The following STUM variants were observed in gnomAD, a reference collection of about 807,000 sequenced individuals.
STUM encodes protein stum homolog.
Under a neutral mutation model 15.3 loss-of-function variants are expected in STUM, and 8 were observed. That is an observed-to-expected ratio of 0.52 (90% CI 0.31 to 0.94). The LOEUF is 0.94. Ranked by LOEUF, STUM falls within the 40% of genes least tolerant of loss-of-function variation. The probability of loss-of-function intolerance (pLI) is 0.05; values close to 1 mark genes in which losing one functional copy is unlikely to be tolerated. For missense variants in STUM, 142 were observed against 204.9 expected (o/e 0.69, Z 1.87); for synonymous variants, 78 against 88.7 (o/e 0.88, Z 0.68).
chr1:226,568,449 A>G (rs1162784640), intron 1 of STUM, among the ~76,000 whole-genome samples: 1 of 152,222 alleles, frequency 6.6e-6, no homozygotes, highest in Admixed American at 6.5e-5. Context: ...AGCTTCAGGA[A>G]TGTGGTTCAT....
intron 1 of STUM, among the ~76,000 whole-genome samples, chr1:226,595,366 T>A (rs144747198): frequency 6.6e-6 from 1 of 152,244 alleles, no homozygotes; most frequent in Non-Finnish European, 1.5e-5. Context: ...CTCGGTCCAC[T>A]GGCTCACACA....
chr1:226,558,245 A>T (rs1258843236), intron 1 of STUM, among the ~76,000 whole-genome samples: 1 of 152,226 alleles, frequency 6.6e-6, no homozygotes, highest in Admixed American at 6.5e-5. Context: ...GACTCCACCA[A>T]AAAACTGTTA....
Position 226,549,132 on chromosome 1 carries a change from G to A in STUM, c.202+26G>A, listed in dbSNP as rs1667325767. 1.3e-6 allele frequency: 2 copies of A among 1,558,972 alleles called. No homozygotes were observed. The highest frequency in any genetic ancestry group is 8.7e-7 in the Non-Finnish European group (1 of 1,153,290). ...GTAAGACACGGCTGCCGCGACCCTT[G>A]CGACCCCCACCCCGCCGCGGGAGGG... On this transcript the variant is annotated intron_variant, in intron 1 of 3. Transcript: ENST00000366788. This position sits in a 1 kb window ranked among gnomAD's most constrained non-coding sequence, Gnocchi z 6.8.
chr1:226,577,293 T>C (rs1667832823), intron 1 of STUM, among the ~76,000 whole-genome samples: 1 of 152,132 alleles, frequency 6.6e-6, no homozygotes, highest in African/African-American at 2.4e-5. Context: ...TTGTCCTCAT[T>C]GTGTCGGGTG....
At chr1:226,578,464 C>T (rs1310940349) in intron 1 of STUM, among the ~76,000 whole-genome samples, 1 of 148,378 alleles carries the variant, frequency 6.7e-6, no homozygotes, top group Non-Finnish European at 1.5e-5. Flanking sequence ...TGTCTGGGCT[C>T]AAGTGATCCT....
In STUM at chr1:226,604,586, A is replaced by T. The variant is rs1272615346; in HGVS notation, c.*2546A>T. ...TCAGCATGATCATCTTCAGTAGATA[A>T]GGGACAGTGGCTGATTTACTCCAAA... is the stretch of plus-strand genomic sequence containing the variant. On this transcript the variant is annotated 3_prime_UTR_variant, in exon 4 of 4. Coordinates refer to ENST00000366788, the MANE Select transcript of STUM (RefSeq NM_001003665.4). The surrounding 1 kb of genome is among the most constrained non-coding windows in gnomAD (Gnocchi z 4.7). The T allele has an allele frequency of 6.6e-6, 1 of 152,244 alleles. No homozygotes were observed. The highest frequency in any genetic ancestry group is 1.9e-4 in the East Asian group (1 of 5,192). The allele number at this position is 152,244 out of a possible 1,614,324, so 9.4% of individuals were successfully genotyped here. A position where few individuals can be genotyped will look rare whatever the true frequency, so the allele number is the denominator to read the frequency against.
At chr1:226,563,187 C>A (rs935512373) in intron 1 of STUM, among the ~76,000 whole-genome samples, 25 of 152,224 alleles carry the variant, frequency 1.6e-4, no homozygotes, top group African/African-American at 5.1e-4. Flanking sequence ...AAGCCAAACA[C>A]ACTCATACGG....
intron 1 of STUM, among the ~76,000 whole-genome samples, chr1:226,563,279 T>C (rs998540581): frequency 3.3e-5 from 5 of 152,194 alleles, no homozygotes; most frequent in African/African-American, 1.2e-4. Context: ...TTCCATAAGG[T>C]CTACCAGCCA....
At chr1:226,587,094 G>A (rs1383651101) in intron 1 of STUM, among the ~76,000 whole-genome samples, 1 of 152,066 alleles carries the variant, frequency 6.6e-6, no homozygotes, top group African/African-American at 2.4e-5. Flanking sequence ...GTTCTGTAGC[G>A]CAGCTCCCCA....
intron 1 of STUM, among the ~76,000 whole-genome samples, chr1:226,566,034 C>T (rs1034568273): frequency 1.3e-5 from 2 of 152,170 alleles, no homozygotes; most frequent in Non-Finnish European, 2.9e-5. Context: ...TAGGACCTAC[C>T]GTTTTGCATT....
rs1322310816 is a variant in STUM, at chr1:226,597,308, C to G, written c.382+327C>G. Reference sequence around the variant, plus strand: ...AGTTTACCAAAGACAACTCAGTTACCCTTTCTAAAATAACCTAGCAAAATC... The same window carrying G: ...AGTTTACCAAAGACAACTCAGTTACGCTTTCTAAAATAACCTAGCAAAATC... On this transcript the variant is annotated intron_variant, in intron 2 of 3. Coordinates refer to ENST00000366788, the MANE Select transcript of STUM (RefSeq NM_001003665.4). 1.5e-5 allele frequency: 8 copies of G among 527,256 alleles called. No individual in the cohort carries two copies. The East Asian group carries it at 4.2e-4, about 28-fold the overall frequency. The allele number at this position is 527,256 out of a possible 1,614,324, so 32.7% of individuals were successfully genotyped here.
intron 1 of STUM, among the ~76,000 whole-genome samples, chr1:226,593,684 A>G (rs1218980359): frequency 6.6e-6 from 1 of 152,176 alleles, no homozygotes; most frequent in Non-Finnish European, 1.5e-5. Flanking sequence ...CGGCGAGAGT[A>G]GAAGAACAGC....
At chr1:226,579,806 A>T (rs537889133) in intron 1 of STUM, among the ~76,000 whole-genome samples, 120 of 151,284 alleles carry the variant, frequency 7.9e-4, no homozygotes, top group East Asian at 3.5e-3. Context: ...TAAAAAAAAA[A>T]TTTTTTTTTG....
chr1:226,591,220 C>T (rs79173077), intron 1 of STUM, among the ~76,000 whole-genome samples: 1,914 of 152,284 alleles, frequency 0.013, 54 homozygotes, highest in African/African-American at 0.044. Flanking sequence ...CCTTTTATGG[C>T]ATGTGGTACC....
Position 226,549,098 on chromosome 1 carries a change from C to T in STUM, c.194C>T (p.Pro65Leu). ...TGCCTCTTCCTCAACACTTTCGTGC[C>T]GGGACTGGGTAAGACACGGCTGCCG... ...VICLFLNTFV[P>L]GLGTFVSAFT... The change falls in exon 1 of 4, where the codon CCG (proline) becomes CTG (leucine). Residue 65 changes from proline (P) to leucine (L), a missense_variant. Pro to Leu is a moderately conservative substitution (Grantham distance 98). Transcript: ENST00000366788. The surrounding 1 kb of genome is among the most constrained non-coding windows in gnomAD (Gnocchi z 6.8). 1 of 1,579,548 alleles carries T rather than the reference C, an allele frequency of 6.3e-7. No individual in the cohort carries two copies.
At chr1:226,575,331 T>G (rs762499251) in intron 1 of STUM, among the ~76,000 whole-genome samples, 1 of 152,272 alleles carries the variant, frequency 6.6e-6, no homozygotes, top group Non-Finnish European at 1.5e-5. Context: ...TGCAGAAAAG[T>G]GACTTCTCAC....
intron 1 of STUM, among the ~76,000 whole-genome samples, chr1:226,580,236 TG>T (rs1449394469): frequency 6.6e-6 from 1 of 151,878 alleles, no homozygotes; most frequent in Non-Finnish European, 1.5e-5. Context: ...ATCTCTGAGA[TG>T]AGAAAGGGCC....
Position 226,565,572 on chromosome 1 carries a change from G to A in STUM, c.202+16466G>A, listed in dbSNP as rs374066195. ...GTACATGGAGCCAGGGCTTCCTGCC[G>A]TCTGAAAAGTGTGGGTGTCCAGCTT... is the stretch of plus-strand genomic sequence containing the variant. On this transcript the variant is annotated intron_variant, in intron 1 of 3. Coordinates refer to ENST00000366788, the MANE Select transcript of STUM (RefSeq NM_001003665.4). This position sits in a 1 kb window ranked among gnomAD's most constrained non-coding sequence, Gnocchi z 4.4. Among the ~76,000 whole-genome samples the A allele has an allele frequency of 6.8e-4, 104 of 152,320 alleles. 1 individual carries two copies. Among genetic ancestry groups the A allele is most frequent in the African/African-American group, 2.3e-3 (97 of 41,556 alleles).
Position 226,577,978 on chromosome 1 carries a change from C to T in STUM, c.203-18824C>T, listed in dbSNP as rs115601133. Among the ~76,000 whole-genome samples the T allele has an allele frequency of 8.7e-3, 1,318 of 152,204 alleles. 17 individuals are homozygous for T. The highest frequency in any genetic ancestry group is 0.03 in the African/African-American group (1,251 of 41,516). ...TTTCTTTGGGGGAGGTCTGCCCCCT[C>T]GGCCTCTTCCCTGACACGCAGCCTT... On this transcript the variant is annotated intron_variant, in intron 1 of 3. Transcript: ENST00000366788.
Sources: gnomAD v4.1 joint callset for allele counts (sites outside exome capture counted in the v4.1 genomes callset) on GRCh38, gnomAD v4.1.1 for gene constraint, Gnocchi (gnomAD v3.1) non-coding constraint, MANE v1.5 for transcripts, NCBI Gene and HGNC (gene_info 2026-07-23, HGNC 2026-07-21) for gene names.